The following MYO1F variants were observed in gnomAD, a reference collection of about 807,000 sequenced individuals.
The protein encoded by MYO1F is unconventional myosin-If.
In MYO1F, 60 loss-of-function variants were observed where a neutral mutation model predicts 146.6. The ratio of observed to expected loss-of-function variants is 0.41; its 90% confidence interval spans 0.33 to 0.51. MYO1F has a LOEUF of 0.51. MYO1F is among the 20% of genes least tolerant of loss of function. The probability of loss-of-function intolerance (pLI) is 0.25; values close to 1 mark genes in which losing one functional copy is unlikely to be tolerated. For synonymous variants in MYO1F, 602 were observed against 602.1 expected, an observed-to-expected ratio of 1.00 and a Z score of 0.00; for missense variants, 1,274 against 1,534.3, an observed-to-expected ratio of 0.83 and a Z score of 2.83.
In MYO1F at chr19:8,544,303, A is replaced by AGCGTAGTGGTGGATGACGAAGCCGGC; in HGVS notation, c.1492_1517dup (p.Gly507ProfsTer32). 6.2e-7 allele frequency: 1 copy of AGCGTAGTGGTGGATGACGAAGCCGGC among 1,613,018 alleles called. No individual in the cohort carries two copies. The highest frequency in any genetic ancestry group is 8.5e-7 in the Non-Finnish European group (1 of 1,179,806). On this transcript the variant is annotated frameshift_variant, in exon 14 of 28. Transcript: ENST00000644032. LOFTEE classifies it high-confidence loss of function. ...GTAGGGGCAGGGGGCGCACCTTGCC[A>AGCGTAGTGGTGGATGACGAAGCCGGC]GCGTAGTGGTGGATGACGAAGCCGG...
intron 24 of MYO1F, 151 bp from the exon 25 acceptor site, chr19:8,525,713 C>T: frequency 1.3e-6 from 1 of 749,726 alleles, no homozygotes; most frequent in South Asian, 1.5e-5. Context: ...ACTGGCTCCG[C>T]CCACTAATTG....
At chr19:8,529,860 T>G (rs924013202) in intron 21 of MYO1F, 52 of 486,008 alleles carry the variant, frequency 1.1e-4, no homozygotes, top group Non-Finnish European at 1.6e-4. Context: ...TGGAACAGAT[T>G]GATCTAGGCT....
At position 8,553,132 on chromosome 19, in the gene MYO1F, G is replaced by A. The variant is rs760059346; in HGVS notation, c.504+7C>T. ...CAGCTGCTCCAAGCAGGTCTGCAGA[G>A]ACTTACAAAGCGGCTGGAATTGTTG... On this transcript the variant is annotated splice_region_variant and intron_variant, in intron 6 of 27. Coordinates refer to ENST00000644032, the MANE Select transcript of MYO1F (RefSeq NM_012335.4). The A allele has an allele frequency of 2.5e-6, 4 of 1,613,978 alleles. No homozygotes were observed. In the South Asian group the frequency reaches 4.4e-5, roughly 18 times the overall value.
chr19:8,548,011 C>G (rs548840856), intron 12 of MYO1F, 25 bp downstream of exon 12: 2 of 1,577,832 alleles, frequency 1.3e-6, no homozygotes, highest in Non-Finnish European at 1.7e-6. Context: ...CAGGATCCCC[C>G]ATCCCTGACT....
intron 6 of MYO1F, 89 bp downstream of exon 6, chr19:8,553,050 G>A: frequency 1.6e-6 from 2 of 1,250,070 alleles, no homozygotes. Context: ...TCTTGTCTTG[G>A]CAATACGGGT....
At chr19:8,543,654 CTGGTGGTGGTGGTGGTGGTGCTGG>C (rs1973079675) in intron 14 of MYO1F, among the ~76,000 whole-genome samples, 4 of 87,534 alleles carry the variant, frequency 4.6e-5, no homozygotes, top group East Asian at 3.7e-4. Context: ...GGTGGTGGTG[CTGGTGGTGGTGGTGGTGGTGCTGG>C]TGGTGGTGGT....
intron 27 of MYO1F, among the ~76,000 whole-genome samples, chr19:8,522,171 C>T (rs375265299): frequency 6.7e-4 from 102 of 152,136 alleles, no homozygotes; most frequent in African/African-American, 2.1e-3. Context: ...TACAGGCGCC[C>T]GCCACCACGC....
Position 8,553,128 on chromosome 19 carries a change from C to T in MYO1F, c.504+11G>A. 1.2e-6 allele frequency: 2 copies of T among 1,613,852 alleles called. No homozygotes were observed. The highest frequency in any genetic ancestry group is 1.7e-6 in the Non-Finnish European group (2 of 1,179,882). On this transcript the variant is annotated intron_variant, in intron 6 of 27. Coordinates refer to ENST00000644032, the MANE Select transcript of MYO1F (RefSeq NM_012335.4). ...GGAGCAGCTGCTCCAAGCAGGTCTG[C>T]AGAGACTTACAAAGCGGCTGGAATT...
chr19:8,546,128 G>A (rs977568325), intron 12 of MYO1F, among the ~76,000 whole-genome samples: 8 of 138,474 alleles, frequency 5.8e-5, no homozygotes, highest in East Asian at 2.2e-4. Flanking sequence ...GCAATGGCAC[G>A]ATCTTGGCTC....
In MYO1F at chr19:8,527,354, G is replaced by T; in HGVS notation, c.2458C>A (p.Arg820=). 3 of 1,614,052 alleles carry T rather than the reference G, an allele frequency of 1.9e-6. No homozygotes were observed. Among genetic ancestry groups the T allele is most frequent in the Non-Finnish European group, 2.5e-6 (3 of 1,179,992 alleles). ...LKKKVDIQAL[R]GVSLSTRQDD... ...TGGCTTCACCTGAGGGAGACTCCCC[G>T]CAGAGCCTGGATGTCCACTTTCTTC... Residue 820 remains arginine, a synonymous_variant, in exon 22 of 28, where the codon CGG becomes AGG. Transcript: ENST00000644032.
chr19:8,525,056 C>T (rs1386966946), intron 25 of MYO1F, among the ~76,000 whole-genome samples: 1 of 151,488 alleles, frequency 6.6e-6, no homozygotes, highest in Non-Finnish European at 1.5e-5. Context: ...AAAAATTAGC[C>T]GGGCGTGGTG....
intron 25 of MYO1F, among the ~76,000 whole-genome samples, chr19:8,523,846 C>T (rs1219310723): frequency 2.6e-5 from 4 of 152,134 alleles, no homozygotes; most frequent in East Asian, 1.9e-4. Flanking sequence ...TTAGGCTAGG[C>T]GCGGTGGCTC....
Position 8,577,359 on chromosome 19 carries a change from T to A in MYO1F, c.-50A>T. On this transcript the variant is annotated 5_prime_UTR_variant, in exon 1 of 28. Coordinates refer to ENST00000644032, the MANE Select transcript of MYO1F (RefSeq NM_012335.4). The surrounding 1 kb of genome is among the most constrained non-coding windows in gnomAD (Gnocchi z 4.3). ...CTGGAGGCTCCTGAATGGGTCGTGA[T>A]GGAGGTGCAGGTTCAGGGGGATCTT... The A allele has an allele frequency of 6.2e-7, 1 of 1,612,276 alleles. No homozygotes were observed. The highest frequency in any genetic ancestry group is 8.5e-7 in the Non-Finnish European group (1 of 1,178,584).
chr19:8,549,995 T>C (rs1452458132), intron 10 of MYO1F, 165 bp downstream of exon 10: 69 of 754,900 alleles, frequency 9.1e-5, no homozygotes, highest in Non-Finnish European at 1.4e-4. Flanking sequence ...GATGGGGGTC[T>C]TGCTATGTTG....
In MYO1F at chr19:8,536,331, T is replaced by C; in HGVS notation, c.1964A>G (p.His655Arg). ...CTCCATGTTGACCGCCCGAAGCAGG[T>C]GCTGGACGCCCTGGCGTTCGTCCCC... is the stretch of plus-strand genomic sequence containing the variant. ...WRGDERQGVQ[H>R]LLRAVNMEPD... is the part of the protein sequence containing the mutation. Residue 655 changes from histidine (H) to arginine (R), a missense_variant, in exon 19 of 28, where the codon CAC becomes CGC. Transcript: ENST00000644032. 1 of 1,607,968 alleles carries C rather than the reference T, an allele frequency of 6.2e-7. No homozygotes were observed. The highest frequency in any genetic ancestry group is 8.5e-7 in the Non-Finnish European group (1 of 1,179,934).
chr19:8,522,871 C>A (rs1326666676), intron 25 of MYO1F, 42 bp from the exon 26 acceptor site: 11 of 1,514,774 alleles, frequency 7.3e-6, no homozygotes, highest in Non-Finnish European at 9.8e-6. Context: ...TAGGGTGATG[C>A]TAGGAGGATT....
Position 8,553,402 on chromosome 19 carries a change from T to C in MYO1F, c.362A>G (p.Lys121Arg). 6.2e-7 allele frequency: 1 copy of C among 1,614,114 alleles called. No homozygotes were observed. The highest frequency in any genetic ancestry group is 8.5e-7 in the Non-Finnish European group (1 of 1,180,006). Residue 121 changes from lysine to arginine, a missense_variant, in exon 5 of 28, where the codon AAA (lysine) becomes AGA (arginine). Physicochemically the swap from Lys to Arg is conservative, Grantham distance 26 (BLOSUM62 2). Coordinates refer to ENST00000644032, the MANE Select transcript of MYO1F (RefSeq NM_012335.4). ...CTTGGAGATGTAGCCCATGATATAT[T>C]TGGCTGCCACTGTCTTCCCAGCTCC... ...ESGAGKTVAA[K>R]YIMGYISKVS...
chr19:8,523,094 C>T (rs1310850294), intron 25 of MYO1F, among the ~76,000 whole-genome samples: 25 of 151,190 alleles, frequency 1.7e-4, no homozygotes, highest in Admixed American at 5.9e-4. Flanking sequence ...TGCAGTGGCG[C>T]GATCTCGGCT....
intron 1 of MYO1F, chr19:8,576,957 G>A (rs1555733949): frequency 2.1e-6 from 1 of 467,892 alleles, no homozygotes; most frequent in African/African-American, 2.0e-5. Context: ...GGAGACGAGA[G>A]ACTGGGCTGG....
Sources: allele counts gnomAD v4.1 joint callset (sites outside exome capture counted in the v4.1 genomes callset), GRCh38; gene constraint gnomAD v4.1.1; non-coding constraint Gnocchi (gnomAD v3.1); transcripts MANE v1.5; gene names NCBI Gene and HGNC (gene_info 2026-07-23, HGNC 2026-07-21).